Variants in SCARA5 observed in about 807,000 individuals in gnomAD.
SCARA5 encodes scavenger receptor class A, member 5 (putative).
In SCARA5, 45 loss-of-function variants were observed where a neutral mutation model predicts 46.3. The ratio of observed to expected loss-of-function variants is 0.97; its 90% CI spans 0.76 to 1.24. SCARA5 has a LOEUF of 1.24. SCARA5 is among the 50% of genes most tolerant of loss of function. SCARA5 has a pLI of 0.00. For synonymous variants in SCARA5, 333 were observed against 306.5 expected (o/e 1.09, Z -0.90); for missense variants, 680 against 689.0 (o/e 0.99, Z 0.15).
At chr8:27,895,889 C>T (rs1807057332) in intron 7 of SCARA5, among the ~76,000 whole-genome samples, 1 of 152,208 alleles carries the variant, frequency 6.6e-6, no homozygotes, top group South Asian at 2.1e-4. Flanking sequence ...CTTGCTATTC[C>T]TGGCTACCCG....
chr8:27,931,079 A>G (rs1347561305), intron 3 of SCARA5, among the ~76,000 whole-genome samples: 1 of 152,252 alleles, frequency 6.6e-6, no homozygotes, highest in Non-Finnish European at 1.5e-5. Context: ...TGGAAAATTC[A>G]TTTAAAAGCA....
At chr8:27,937,689 G>C (rs1411561527) in intron 3 of SCARA5, among the ~76,000 whole-genome samples, 1 of 152,160 alleles carries the variant, frequency 6.6e-6, no homozygotes, top group African/African-American at 2.4e-5. Context: ...TCTGGAGGCT[G>C]GCAGTCTGAG....
intron 5 of SCARA5, 92 bp from the exon 6 acceptor site, chr8:27,907,338 C>A: frequency 1.2e-6 from 1 of 811,428 alleles, no homozygotes; most frequent in South Asian, 1.7e-5. Flanking sequence ...CAGCCTCCCC[C>A]ATGCATCCTC....
chr8:27,940,020 C>G (rs377702263), intron 3 of SCARA5, among the ~76,000 whole-genome samples: 1 of 152,212 alleles, frequency 6.6e-6, no homozygotes, highest in African/African-American at 2.4e-5. Flanking sequence ...AATCTGAAAT[C>G]AGTGAGGGCG....
intron 8 of SCARA5, among the ~76,000 whole-genome samples, chr8:27,876,742 G>A (rs1806730595): frequency 6.6e-6 from 1 of 152,172 alleles, no homozygotes. Flanking sequence ...AGCCTCCAGA[G>A]AGAGTGTGCA....
intron 2 of SCARA5, among the ~76,000 whole-genome samples, chr8:27,984,931 TCATC>T (rs1014495023): frequency 1.8e-4 from 28 of 152,018 alleles, no homozygotes; most frequent in Non-Finnish European, 3.7e-4. Context: ...ATTCACCCAT[TCATC>T]CATCCATTCA....
chr8:27,894,438 T>C (rs1807030173), intron 7 of SCARA5, among the ~76,000 whole-genome samples: 1 of 152,198 alleles, frequency 6.6e-6, no homozygotes, highest in Admixed American at 6.5e-5. Flanking sequence ...TTCTCAGGCT[T>C]AAGGGAATGA....
intron 3 of SCARA5, among the ~76,000 whole-genome samples, chr8:27,947,010 T>G (rs1808048202): frequency 6.6e-6 from 1 of 151,210 alleles, no homozygotes. Context: ...AATATCCTGT[T>G]GGGCTTTTTT....
At chr8:27,970,732 C>T (rs1414969278) in intron 2 of SCARA5, among the ~76,000 whole-genome samples, 1 of 152,198 alleles carries the variant, frequency 6.6e-6, no homozygotes, top group Non-Finnish European at 1.5e-5. Context: ...CAAGAACCCT[C>T]CAATTTTGGG....
chr8:27,892,094 T>C (rs1399764116), intron 7 of SCARA5, among the ~76,000 whole-genome samples: 1 of 152,098 alleles, frequency 6.6e-6, no homozygotes, highest in African/African-American at 2.4e-5. Flanking sequence ...CAGGGCCACC[T>C]CTCCCAGCAG....
chr8:27,990,253 A>G (rs1808769371), intron 1 of SCARA5, among the ~76,000 whole-genome samples: 1 of 152,188 alleles, frequency 6.6e-6, no homozygotes, highest in Non-Finnish European at 1.5e-5. Flanking sequence ...GTGAGTGCAC[A>G]GGGCTTGGAA....
chr8:27,950,322 A>G (rs1158198917), intron 3 of SCARA5, among the ~76,000 whole-genome samples: 1 of 152,134 alleles, frequency 6.6e-6, no homozygotes, highest in Non-Finnish European at 1.5e-5. Context: ...CCTGGTCCAG[A>G]TCCCTGCCTT....
chr8:27,974,370 C>A (rs2685393), intron 2 of SCARA5, among the ~76,000 whole-genome samples: 1 of 151,846 alleles, frequency 6.6e-6, no homozygotes, highest in Admixed American at 6.6e-5. Context: ...AAATTTATTT[C>A]CCCCCTCCCA....
Position 27,902,577 on chromosome 8 carries a change from C to A in SCARA5, c.1153+2201G>T, listed in dbSNP as rs1404334870. Among the ~76,000 whole-genome samples, 7 of 152,198 alleles carry A rather than the reference C, an allele frequency of 4.6e-5. No individual in the cohort carries two copies. In the East Asian group the frequency reaches 1.2e-3, roughly 25 times the overall value. Reference sequence around the variant, plus strand: ...TCCCAACAAGAGCCCCTCTGGCATGCGGGCAGTGTTTCTGATCTCAAAGCC... The same window carrying A: ...TCCCAACAAGAGCCCCTCTGGCATGAGGGCAGTGTTTCTGATCTCAAAGCC... On this transcript the variant is annotated intron_variant, in intron 7 of 8. Transcript: ENST00000354914.
chr8:27,904,915 G>T (rs990147724), intron 6 of SCARA5, 81 bp from the exon 7 acceptor site: 3 of 1,249,994 alleles, frequency 2.4e-6, no homozygotes, highest in African/African-American at 3.0e-5. Context: ...GGAGATTGAT[G>T]AACTCGAGAC....
intron 6 of SCARA5, among the ~76,000 whole-genome samples, chr8:27,905,804 G>A (rs2685366): frequency 0.55 from 82,456 of 149,848 alleles, 23,413 homozygotes; most frequent in Non-Finnish European, 0.63. Flanking sequence ...TCCACTCCCC[G>A]GGTTCAAGTG....
intron 1 of SCARA5, among the ~76,000 whole-genome samples, chr8:27,990,011 A>G (rs1808764929): frequency 6.6e-6 from 1 of 152,180 alleles, no homozygotes; most frequent in Non-Finnish European, 1.5e-5. Context: ...CAGAGGCCAC[A>G]CAGAGCCAGA....
intron 3 of SCARA5, among the ~76,000 whole-genome samples, chr8:27,932,858 T>C (rs1285984052): frequency 1.3e-5 from 2 of 152,218 alleles, no homozygotes; most frequent in Admixed American, 1.3e-4. Context: ...CTCGAACTCC[T>C]GACCTCAGAT....
At chr8:27,920,601 A>G in intron 4 of SCARA5, among the ~76,000 whole-genome samples, 1 of 141,904 alleles carries the variant, frequency 7.0e-6, no homozygotes, top group African/African-American at 2.7e-5. Context: ...CGACAGAGCG[A>G]GACTCCATCT....
Sources: allele counts gnomAD v4.1 joint callset (sites outside exome capture counted in the v4.1 genomes callset), GRCh38; gene constraint gnomAD v4.1.1; transcripts MANE v1.5; gene names NCBI Gene and HGNC (gene_info 2026-07-23, HGNC 2026-07-21).